CDH13: variants seen among roughly 807,000 people sequenced by gnomAD.
CDH13 encodes cadherin-13.
CDH13 carries 24 observed loss-of-function variants against 63.8 expected under a neutral mutation model. That is an observed-to-expected ratio of 0.38 (90% CI 0.27 to 0.53). The LOEUF (loss-of-function observed/expected upper bound fraction) is 0.53, where lower values mean the gene tolerates loss of function less well. CDH13 is among the 20% of genes least tolerant of loss of function. The pLI, the probability that CDH13 is intolerant of heterozygous loss-of-function variation, is 0.85. For synonymous variants in CDH13, 503 were observed against 355.3 expected, an observed-to-expected ratio of 1.42 and a Z score of -4.67; for missense variants, 1,049 against 903.1, an observed-to-expected ratio of 1.16 and a Z score of -2.07.
chr16:82,739,317 C>A (rs1440136753), intron 1 of CDH13, among the ~76,000 whole-genome samples: 1 of 152,096 alleles, frequency 6.6e-6, no homozygotes, highest in African/African-American at 2.4e-5. Flanking sequence ...TCATCTTCTG[C>A]CAAGATGGGG....
intron 1 of CDH13, among the ~76,000 whole-genome samples, chr16:82,643,129 G>T (rs1909624089): frequency 6.6e-6 from 1 of 152,184 alleles, no homozygotes; most frequent in African/African-American, 2.4e-5. Flanking sequence ...GCTAGATAGT[G>T]GTGGTGATTA....
At chr16:83,669,573 A>C (rs1914320018) in intron 8 of CDH13, among the ~76,000 whole-genome samples, 1 of 152,122 alleles carries the variant, frequency 6.6e-6, no homozygotes. Flanking sequence ...AGAATTTTCC[A>C]GCTCTCCTTT....
At position 82,736,762 on chromosome 16, in the gene CDH13, C is replaced by G. The variant is rs569994963; in HGVS notation, c.45+109625C>G. 2.0e-5 allele frequency among the ~76,000 whole-genome samples: 3 copies of G among 152,318 alleles called. No homozygotes were observed. The South Asian group carries it at 6.2e-4, about 32-fold the overall frequency. Reference sequence around the variant, plus strand: ...TCTTAGGATACACTCACTCTCTTACCCTTTCACTCCTTCGGGCAATTTGAT... The same window carrying G: ...TCTTAGGATACACTCACTCTCTTACGCTTTCACTCCTTCGGGCAATTTGAT... On this transcript the variant is annotated intron_variant, in intron 1 of 13. Transcript: ENST00000567109.
At chr16:82,668,951 G>A (rs1360152779) in intron 1 of CDH13, among the ~76,000 whole-genome samples, 1 of 152,228 alleles carries the variant, frequency 6.6e-6, no homozygotes, top group Non-Finnish European at 1.5e-5. Flanking sequence ...AGGGCTGGCT[G>A]TTATTCTAGG....
chr16:83,361,004 A>G (rs1010562478), intron 6 of CDH13, among the ~76,000 whole-genome samples: 2 of 152,178 alleles, frequency 1.3e-5, no homozygotes, highest in Admixed American at 1.3e-4. Flanking sequence ...TGCTTTGAGA[A>G]ATTGCCAAAC....
At chr16:82,937,163 C>T (rs543167010) in intron 2 of CDH13, among the ~76,000 whole-genome samples, 4 of 152,286 alleles carry the variant, frequency 2.6e-5, no homozygotes, top group South Asian at 4.1e-4. Context: ...AGGGTGGTCA[C>T]GCTACTGCTG....
chr16:83,145,224 G>A (rs1391643353), intron 4 of CDH13, among the ~76,000 whole-genome samples: 1 of 152,154 alleles, frequency 6.6e-6, no homozygotes, highest in Non-Finnish European at 1.5e-5. Context: ...CGCCACCTTG[G>A]TCGCTGACAA....
intron 1 of CDH13, among the ~76,000 whole-genome samples, chr16:82,729,297 C>T (rs867498592): frequency 5.4e-4 from 82 of 152,296 alleles, no homozygotes; most frequent in African/African-American, 1.8e-3. Flanking sequence ...GAATTACTAT[C>T]TCTAGCAGCA....
At chr16:83,027,459 G>C (rs2151465580) in intron 2 of CDH13, among the ~76,000 whole-genome samples, 1 of 152,238 alleles carries the variant, frequency 6.6e-6, no homozygotes, top group African/African-American at 2.4e-5. Context: ...TGCAGAGAGG[G>C]AGCACTATAC....
chr16:82,958,988 A>G (rs1356817774), intron 2 of CDH13, among the ~76,000 whole-genome samples: 1 of 152,218 alleles, frequency 6.6e-6, no homozygotes, highest in African/African-American at 2.4e-5. Context: ...ACGTGCTTAG[A>G]CTTCTACAGT....
chr16:83,620,346 G>A (rs1299495863), intron 8 of CDH13, among the ~76,000 whole-genome samples: 12 of 138,424 alleles, frequency 8.7e-5, no homozygotes, highest in African/African-American at 2.4e-4. Context: ...AGCCGAGATC[G>A]CACCACTGCA....
At chr16:82,698,362 A>C (rs1175825827) in intron 1 of CDH13, among the ~76,000 whole-genome samples, 1 of 152,216 alleles carries the variant, frequency 6.6e-6, no homozygotes, top group Non-Finnish European at 1.5e-5. Flanking sequence ...CTCTCTGTAG[A>C]TGGTGGGAAA....
intron 1 of CDH13, among the ~76,000 whole-genome samples, chr16:82,669,520 C>G (rs940736572): frequency 1.3e-5 from 2 of 152,164 alleles, no homozygotes; most frequent in Admixed American, 6.5e-5. Flanking sequence ...AATACTGTCT[C>G]CAGTCCTTGG....
chr16:83,602,031 T>C (rs1290794794), intron 7 of CDH13, among the ~76,000 whole-genome samples: 2 of 131,442 alleles, frequency 1.5e-5, no homozygotes, highest in Non-Finnish European at 3.1e-5. Context: ...AGGCGGAGGT[T>C]GCAGTGAGCC....
intron 2 of CDH13, among the ~76,000 whole-genome samples, chr16:82,979,316 A>T: frequency 6.6e-6 from 1 of 152,166 alleles, no homozygotes; most frequent in East Asian, 1.9e-4. Context: ...TTGGGAGGGC[A>T]GAATTGTCTT....
intron 5 of CDH13, among the ~76,000 whole-genome samples, chr16:83,312,969 A>G (rs1018183791): frequency 2.0e-5 from 3 of 152,198 alleles, no homozygotes; most frequent in African/African-American, 7.2e-5. Context: ...AAGTTTTCCC[A>G]GTGCTTGCAG....
intron 9 of CDH13, among the ~76,000 whole-genome samples, chr16:83,677,470 G>A (rs962713982): frequency 6.6e-6 from 1 of 151,578 alleles, no homozygotes; most frequent in Non-Finnish European, 1.5e-5. Context: ...TAGAGCCCTC[G>A]AGTCAATTGA....
intron 6 of CDH13, among the ~76,000 whole-genome samples, chr16:83,455,117 G>T (rs140057263): frequency 2.0e-5 from 3 of 152,344 alleles, no homozygotes; most frequent in African/African-American, 7.2e-5. Flanking sequence ...TGCTCAGAGA[G>T]ATTGTAGAGT....
intron 3 of CDH13, among the ~76,000 whole-genome samples, chr16:83,120,174 C>A (rs563028832): frequency 6.6e-6 from 1 of 152,252 alleles, no homozygotes; most frequent in East Asian, 1.9e-4. Flanking sequence ...ATCAGAGCTT[C>A]CTGCTTCTTT....
Sources: allele counts gnomAD v4.1 joint callset (sites outside exome capture counted in the v4.1 genomes callset), GRCh38; gene constraint gnomAD v4.1.1; transcripts MANE v1.5; gene names NCBI Gene and HGNC (gene_info 2026-07-23, HGNC 2026-07-21).